The following ZNF280D variants were observed in gnomAD, a reference collection of about 807,000 sequenced individuals.
ZNF280D encodes suppressor of hairy wing homolog 4.
In ZNF280D, 39 loss-of-function variants were observed where a neutral mutation model predicts 94.7. The ratio of observed to expected loss-of-function variants is 0.41; its 90% CI spans 0.32 to 0.54. The LOEUF (loss-of-function observed/expected upper bound fraction) is 0.54, where lower values mean the gene tolerates loss of function less well. Ranked by LOEUF, ZNF280D falls within the 20% of genes least tolerant of loss-of-function variation. The pLI is 0.22. For missense variants in ZNF280D, 1,090 were observed against 1,149.3 expected, an observed-to-expected ratio of 0.95 and a Z score of 0.75; for synonymous variants, 398 against 377.6, an observed-to-expected ratio of 1.05 and a Z score of -0.63.
chr15:56,707,275 G>T lies in ZNF280D; in HGVS notation c.-54C>A. The T allele has an allele frequency of 6.5e-7, 1 of 1,538,764 alleles. No homozygotes were observed. The highest frequency in any genetic ancestry group is 8.7e-7 in the Non-Finnish European group (1 of 1,145,874). ...CCTCTAAACTCACCATGTGACTCCA[G>T]ACAAGCCAGCAAGTTATTTCTGTTT... On this transcript the variant is annotated 5_prime_UTR_variant, in exon 2 of 22. In the 5' UTR this introduces an upstream ATG that the reference lacks. Coordinates refer to ENST00000267807, the MANE Select transcript of ZNF280D (RefSeq NM_017661.4).
rs551283545 is a variant in ZNF280D at position 56,667,130 on chromosome 15, A to C, written c.1546-144T>G. 3.4e-4 allele frequency: 197 copies of C among 582,964 alleles called. 2 individuals carry two copies. In the South Asian group the frequency reaches 6.0e-3, roughly 18 times the overall value. The allele number at this position is 582,964 out of a possible 1,614,324, so 36.1% of individuals were successfully genotyped here. A position where few individuals can be genotyped will look rare whatever the true frequency, so the allele number is the denominator to read the frequency against. On this transcript the variant is annotated intron_variant, in intron 14 of 21. Transcript: ENST00000267807. The stretch of plus-strand genomic sequence containing the variant: ...ATCAGGTAAGTCTCCCATTTATTCT[A>C]AATGTTCAAACTATTAAATGATATT...
intron 20 of ZNF280D, among the ~76,000 whole-genome samples, chr15:56,641,820 G>T (rs1326075391): frequency 4.0e-5 from 6 of 151,638 alleles, no homozygotes; most frequent in Non-Finnish European, 8.9e-5. Context: ...ACTACATAAA[G>T]AAATGAAGAG....
chr15:56,655,704 T>A (rs752134442), intron 17 of ZNF280D, among the ~76,000 whole-genome samples: 2 of 152,234 alleles, frequency 1.3e-5, no homozygotes, highest in Non-Finnish European at 2.9e-5. Flanking sequence ...TAACTTAAAA[T>A]GCATTTAGAC....
chr15:56,705,565 T>C (rs1038400134), intron 3 of ZNF280D, among the ~76,000 whole-genome samples: 4 of 152,206 alleles, frequency 2.6e-5, no homozygotes, highest in Non-Finnish European at 4.4e-5. Context: ...AAGTATTACA[T>C]AGATTCAAGA....
At chr15:56,680,885 C>A (rs917442030) in intron 10 of ZNF280D, among the ~76,000 whole-genome samples, 1 of 152,104 alleles carries the variant, frequency 6.6e-6, no homozygotes, top group Non-Finnish European at 1.5e-5. Flanking sequence ...AGTCAATGAA[C>A]CACACTGCTC....
chr15:56,673,696 A>G (rs1342959427), intron 13 of ZNF280D, among the ~76,000 whole-genome samples: 1 of 151,672 alleles, frequency 6.6e-6, no homozygotes, highest in Non-Finnish European at 1.5e-5. Context: ...CTATAACCTC[A>G]TCTCCTATTA....
Position 56,645,389 on chromosome 15 carries a change from T to C in ZNF280D, c.2214-2392A>G, listed in dbSNP as rs554880873. ...TGACTGGTGATCAATTTCAACATCA[T>C]TAGTGATCAAGATTGCAAGAAATAA... On this transcript the variant is annotated intron_variant, in intron 19 of 21. Transcript: ENST00000267807. 2.0e-5 allele frequency: 3 copies of C among 152,330 alleles called. No individual in the cohort carries two copies. In the East Asian group the frequency reaches 5.8e-4, roughly 29 times the overall value. The allele number at this position is 152,330 out of a possible 1,614,324, so 9.4% of individuals were successfully genotyped here. A position where few individuals can be genotyped will look rare whatever the true frequency, so the allele number is the denominator to read the frequency against.
chr15:56,668,533 T>G (rs2054454719), intron 14 of ZNF280D, among the ~76,000 whole-genome samples: 1 of 152,040 alleles, frequency 6.6e-6, no homozygotes, highest in Admixed American at 6.6e-5. Flanking sequence ...ATATACACTT[T>G]CAACTGAAAG....
intron 9 of ZNF280D, among the ~76,000 whole-genome samples, chr15:56,683,610 TC>T (rs2141015792): frequency 6.6e-6 from 1 of 152,320 alleles, no homozygotes; most frequent in East Asian, 1.9e-4. Context: ...TCTTTACTCC[TC>T]CCAGTACACA....
intron 17 of ZNF280D, among the ~76,000 whole-genome samples, chr15:56,657,022 C>G (rs1332930525): frequency 6.6e-6 from 1 of 152,116 alleles, no homozygotes; most frequent in Non-Finnish European, 1.5e-5. Flanking sequence ...TTGAGACATA[C>G]CATCCCCTCT....
At chr15:56,640,443 AT>A (rs2052573218) in intron 20 of ZNF280D, among the ~76,000 whole-genome samples, 2 of 151,858 alleles carry the variant, frequency 1.3e-5, no homozygotes, top group Admixed American at 6.6e-5. Flanking sequence ...TATTTAAAAA[AT>A]TTTTTTTCTA....
At chr15:56,731,099 T>G (rs2058859165) in intron 1 of ZNF280D, among the ~76,000 whole-genome samples, 1 of 152,152 alleles carries the variant, frequency 6.6e-6, no homozygotes, top group South Asian at 2.1e-4. Flanking sequence ...AATCCAAGTT[T>G]AGAGAAAACA....
intron 17 of ZNF280D, among the ~76,000 whole-genome samples, chr15:56,656,550 T>C (rs1287467443): frequency 6.6e-6 from 1 of 152,196 alleles, no homozygotes; most frequent in Non-Finnish European, 1.5e-5. Context: ...AGCTTAATTA[T>C]TTCCCTAGAT....
In ZNF280D at chr15:56,689,424, T is replaced by C. The variant is rs1285403269; in HGVS notation, c.546A>G (p.Glu182=). ...GCTTCTTTGGATTAACATTATTTAC[T>C]TCAGAAGTAGAAGGACGTTTTGATA... ...SFLSKRPSTS[E]VNNVNPKKPK... Residue 182 remains glutamate, a synonymous_variant, in exon 8 of 22, where the codon GAA becomes GAG. Transcript: ENST00000267807. 5 of 1,584,688 alleles carry C rather than the reference T, an allele frequency of 3.2e-6. No homozygotes were observed. The highest frequency in any genetic ancestry group is 4.3e-6 in the Non-Finnish European group (5 of 1,166,102).
intron 1 of ZNF280D, among the ~76,000 whole-genome samples, chr15:56,723,613 C>T (rs1031043288): frequency 2.6e-5 from 4 of 151,970 alleles, no homozygotes; most frequent in Non-Finnish European, 5.9e-5. Context: ...ATCTTGAATC[C>T]CTGGAGGTTT....
chr15:56,633,948 G>A (rs902504161), intron 21 of ZNF280D: 6 of 152,098 alleles, frequency 3.9e-5, no homozygotes, highest in African/African-American at 1.4e-4. Context: ...CTATCATGTA[G>A]TTAATATATT....
chr15:56,656,640 A>G (rs1180745679), intron 17 of ZNF280D, among the ~76,000 whole-genome samples: 3 of 152,200 alleles, frequency 2.0e-5, no homozygotes, highest in Non-Finnish European at 4.4e-5. Context: ...CTAGTCTAAC[A>G]TCACAGATGG....
chr15:56,692,985 A>C, intron 7 of ZNF280D, 113 bp downstream of exon 7: 2 of 613,404 alleles, frequency 3.3e-6, no homozygotes, highest in Non-Finnish European at 5.8e-6. Context: ...CCACCTTACA[A>C]TATATGAAAA....
At chr15:56,681,057 T>C (rs1411788007) in intron 10 of ZNF280D, among the ~76,000 whole-genome samples, 2 of 152,118 alleles carry the variant, frequency 1.3e-5, no homozygotes, top group African/African-American at 4.8e-5. Context: ...CCCTTAAAGT[T>C]TGATAAGAGG....
Sources: gnomAD v4.1 joint callset for allele counts (sites outside exome capture counted in the v4.1 genomes callset) on GRCh38, gnomAD v4.1.1 for gene constraint, MANE v1.5 for transcripts, NCBI Gene and HGNC (gene_info 2026-07-23, HGNC 2026-07-21) for gene names.